NR2F1-AS1: variants seen among roughly 807,000 people sequenced by gnomAD.
The protein encoded by NR2F1-AS1 is NR2F1 antisense RNA 1.
At chr5:93,538,274 A>G (rs886674381) in intron 4 of NR2F1-AS1, among the ~76,000 whole-genome samples, 5 of 152,132 alleles carry the variant, frequency 3.3e-5, no homozygotes, top group Admixed American at 6.6e-5. Flanking sequence ...GGAGTTCAAG[A>G]CCAGCCTGGA....
chr5:93,440,419 C>A (rs915214771), intron 4 of NR2F1-AS1, among the ~76,000 whole-genome samples: 6 of 152,150 alleles, frequency 3.9e-5, no homozygotes, highest in African/African-American at 1.4e-4. Context: ...CCATTGAAGG[C>A]CTGAATAGAA....
intron 4 of NR2F1-AS1, among the ~76,000 whole-genome samples, chr5:93,516,687 C>G (rs1234055552): frequency 2.0e-5 from 3 of 151,836 alleles, no homozygotes; most frequent in African/African-American, 7.2e-5. Context: ...GACCGTAACC[C>G]AGATGTTCTG....
chr5:93,585,553 C>T (rs1348696753), upstream of NR2F1-AS1: 4 of 1,350,958 alleles, frequency 3.0e-6, no homozygotes, highest in East Asian at 7.3e-5. Context: ...CTTTCTTTCT[C>T]GCCCGGGTGG....
chr5:93,431,666 G>C (rs1749327471), intron 4 of NR2F1-AS1, among the ~76,000 whole-genome samples: 1 of 152,136 alleles, frequency 6.6e-6, no homozygotes, highest in Non-Finnish European at 1.5e-5. Flanking sequence ...AAATAGTCTT[G>C]TAATAAACAG....
chr5:93,454,901 C>T (rs184759366), intron 4 of NR2F1-AS1, among the ~76,000 whole-genome samples: 24 of 152,054 alleles, frequency 1.6e-4, no homozygotes, highest in African/African-American at 5.5e-4. Context: ...CACACCTTGT[C>T]CTACACATCT....
At chr5:93,487,496 G>C (rs1027946243) in intron 4 of NR2F1-AS1, among the ~76,000 whole-genome samples, 12 of 152,088 alleles carry the variant, frequency 7.9e-5, no homozygotes, top group Non-Finnish European at 1.5e-4. Flanking sequence ...ATTCACAATT[G>C]CTACTAAGAG....
At chr5:93,561,503 T>G (rs1752486914) in intron 2 of NR2F1-AS1, among the ~76,000 whole-genome samples, 2 of 152,176 alleles carry the variant, frequency 1.3e-5, no homozygotes, top group South Asian at 4.1e-4. Flanking sequence ...CCAGGCGCAG[T>G]GGCTCACACC....
At chr5:93,486,572 T>C (rs1750722044) in intron 4 of NR2F1-AS1, among the ~76,000 whole-genome samples, 1 of 152,076 alleles carries the variant, frequency 6.6e-6, no homozygotes, top group South Asian at 2.1e-4. Flanking sequence ...AAGAAACCAA[T>C]AACAAGTTCT....
intron 4 of NR2F1-AS1, among the ~76,000 whole-genome samples, chr5:93,508,802 CCTCA>C (rs1367005797): frequency 1.3e-5 from 2 of 151,974 alleles, no homozygotes; most frequent in African/African-American, 2.4e-5. Context: ...GGTTGTTCAT[CCTCA>C]CTATTAGGGA....
chr5:93,525,093 T>G (rs953168653), intron 4 of NR2F1-AS1, among the ~76,000 whole-genome samples: 3 of 152,142 alleles, frequency 2.0e-5, no homozygotes, highest in African/African-American at 7.2e-5. Context: ...GACCCATTGG[T>G]GTGCTGTATT....
chr5:93,456,629 T>C (rs936638882), intron 4 of NR2F1-AS1, among the ~76,000 whole-genome samples: 3 of 152,050 alleles, frequency 2.0e-5, no homozygotes, highest in Non-Finnish European at 4.4e-5. Flanking sequence ...AAATAACTAG[T>C]ACAACTCAAA....
chr5:93,446,012 A>G (rs1011232147), intron 4 of NR2F1-AS1, among the ~76,000 whole-genome samples: 1 of 152,218 alleles, frequency 6.6e-6, no homozygotes, highest in African/African-American at 2.4e-5. Flanking sequence ...CCTTCATCCT[A>G]AAAACTCTCA....
At chr5:93,513,203 A>C (rs909236067) in intron 4 of NR2F1-AS1, among the ~76,000 whole-genome samples, 1 of 152,210 alleles carries the variant, frequency 6.6e-6, no homozygotes, top group African/African-American at 2.4e-5. Flanking sequence ...GAATTTTTAT[A>C]CACTGTTAGA....
At chr5:93,583,147 T>G (rs1284215801), upstream of NR2F1-AS1, 2 of 152,288 alleles carry the variant, frequency 1.3e-5, no homozygotes, top group East Asian at 3.9e-4. Flanking sequence ...GGCAGCGATC[T>G]CCATAGAAAC....
chr5:93,565,139 T>C (rs1460091217), intron 1 of NR2F1-AS1, among the ~76,000 whole-genome samples: 1 of 152,228 alleles, frequency 6.6e-6, no homozygotes, highest in Non-Finnish European at 1.5e-5. Flanking sequence ...TTTTATTCCC[T>C]GCCCTGTGAC....
rs148005417 is a variant in NR2F1-AS1 at position 93,503,496 on chromosome 5, A to G, written n.638+50265T>C. Among the ~76,000 whole-genome samples, 578 of 152,356 alleles carry G rather than the reference A, an allele frequency of 3.8e-3. 7 individuals are homozygous for G. Among genetic ancestry groups the G allele is most frequent in the African/African-American group, 0.013 (542 of 41,584 alleles). ...CAAATTCGAAATAGAAAAGTTTTTT[A>G]GAACAAACTGTTTGCAATGTTGGCC... On this transcript the variant is annotated intron_variant and non_coding_transcript_variant, in intron 4 of 5. Coordinates refer to ENST00000660523, the Ensembl canonical transcript of NR2F1-AS1.
chr5:93,437,534 A>G (rs760776531), intron 4 of NR2F1-AS1, among the ~76,000 whole-genome samples: 49 of 152,304 alleles, frequency 3.2e-4, no homozygotes, highest in Admixed American at 2.0e-4. Context: ...CAAAAGTCAC[A>G]GTTATAAGGC....
intron 4 of NR2F1-AS1, among the ~76,000 whole-genome samples, chr5:93,463,311 G>A (rs1750141810): frequency 1.3e-5 from 2 of 152,158 alleles, no homozygotes; most frequent in African/African-American, 4.8e-5. Flanking sequence ...TTGAACCTGT[G>A]GGTACACAGA....
At chr5:93,435,807 T>C (rs940532551) in intron 4 of NR2F1-AS1, among the ~76,000 whole-genome samples, 5 of 152,194 alleles carry the variant, frequency 3.3e-5, no homozygotes, top group African/African-American at 7.2e-5. Context: ...AGCAAGACAA[T>C]TGGTTTAACC....
Sources: allele counts gnomAD v4.1 joint callset (sites outside exome capture counted in the v4.1 genomes callset), GRCh38; gene constraint gnomAD v4.1.1; transcripts MANE v1.5; gene names NCBI Gene and HGNC (gene_info 2026-07-23, HGNC 2026-07-21).